Variants in FUT8 observed in about 807,000 individuals in gnomAD.
FUT8 encodes alpha-(1,6)-fucosyltransferase.
Under a neutral mutation model 71.3 loss-of-function variants are expected in FUT8, and 29 were observed. The observed-to-expected ratio is 0.41, with a 90% CI of 0.30 to 0.55. The LOEUF is 0.55. Among genes scored for constraint, FUT8 ranks in the 20% least tolerant of loss-of-function variants. The pLI is 0.34. For missense variants in FUT8, 544 were observed against 702.1 expected, an observed-to-expected ratio of 0.77 and a Z score of 2.55; for synonymous variants, 254 against 239.3, an observed-to-expected ratio of 1.06 and a Z score of -0.57.
intron 6 of FUT8, among the ~76,000 whole-genome samples, chr14:65,642,469 G>A (rs1442717411): frequency 6.6e-6 from 1 of 152,028 alleles, no homozygotes; most frequent in East Asian, 1.9e-4. Flanking sequence ...CAGGCGTGGT[G>A]GCGCACACCT....
chr14:65,380,461 T>C, the FUT8 span, among the ~76,000 whole-genome samples: 1 of 152,118 alleles, frequency 6.6e-6, no homozygotes, highest in Admixed American at 6.5e-5. Context: ...TGGATAGGGA[T>C]AGAATAATGT....
chr14:65,688,520 CAAA>C (rs34293733), intron 7 of FUT8, among the ~76,000 whole-genome samples: 5 of 55,132 alleles, frequency 9.1e-5, no homozygotes, highest in East Asian at 1.2e-3. Flanking sequence ...ATCCACATGC[CAAA>C]AAAAAAAAAA....
intron 1 of FUT8, among the ~76,000 whole-genome samples, chr14:65,429,899 G>A (rs2065445854): frequency 6.9e-6 from 1 of 145,046 alleles, no homozygotes; most frequent in Non-Finnish European, 1.5e-5. Flanking sequence ...ACTTACAAGA[G>A]ACTTTAAAGC....
chr14:65,550,263 C>G lies in FUT8; in HGVS notation c.-227-11074C>G, dbSNP rs561991670. ...GGAGGAGATACCAGGCTCTTTTTAACAAGATCATTGTGTGTTCTGATGAAC... is the reference window on the plus strand; with the variant it reads ...GGAGGAGATACCAGGCTCTTTTTAAGAAGATCATTGTGTGTTCTGATGAAC... On this transcript the variant is annotated intron_variant, in intron 2 of 10. Coordinates refer to ENST00000673929, the MANE Select transcript of FUT8 (RefSeq NM_001371533.1). The surrounding 1 kb of genome is among the most constrained non-coding windows in gnomAD (Gnocchi z 4.5). Among the ~76,000 whole-genome samples the G allele has an allele frequency of 5.3e-5, 8 of 152,162 alleles. No individual in the cohort carries two copies. The highest frequency in any genetic ancestry group is 1.9e-4 in the African/African-American group (8 of 41,534).
At chr14:65,735,340 G>T (rs191271195) in intron 10 of FUT8, among the ~76,000 whole-genome samples, 120 of 152,200 alleles carry the variant, frequency 7.9e-4, no homozygotes, top group African/African-American at 2.8e-3. Flanking sequence ...GGCTTGAGGA[G>T]AATATTGTTC....
chr14:65,618,408 A>G (rs1889421005), intron 5 of FUT8, among the ~76,000 whole-genome samples: 1 of 152,086 alleles, frequency 6.6e-6, no homozygotes, highest in Admixed American at 6.6e-5. Context: ...ATGTTAAATA[A>G]TGGTAGTTCA....
chr14:65,519,853 A>G (rs1594728906), intron 2 of FUT8, among the ~76,000 whole-genome samples: 1 of 152,000 alleles, frequency 6.6e-6, no homozygotes, highest in African/African-American at 2.4e-5. Flanking sequence ...ATCTTGGCTC[A>G]CTCCAGCCTC....
At chr14:65,635,582 T>C (rs1890507564) in intron 6 of FUT8, among the ~76,000 whole-genome samples, 1 of 152,242 alleles carries the variant, frequency 6.6e-6, no homozygotes, top group Non-Finnish European at 1.5e-5. Context: ...TCTGCATCTA[T>C]TGAAATGGTC....
chr14:65,679,209 T>G (rs1892915915), intron 7 of FUT8, among the ~76,000 whole-genome samples: 1 of 152,206 alleles, frequency 6.6e-6, no homozygotes, highest in Non-Finnish European at 1.5e-5. Flanking sequence ...TGCTGCTACA[T>G]CTGGCAAATC....
chr14:65,436,837 A>G (rs2065569470), intron 1 of FUT8, among the ~76,000 whole-genome samples: 1 of 152,062 alleles, frequency 6.6e-6, no homozygotes, highest in African/African-American at 2.4e-5. Context: ...TAGGATTATC[A>G]GTGATTAGGT....
At chr14:65,615,405 C>G (rs1889228154) in intron 3 of FUT8, among the ~76,000 whole-genome samples, 1 of 152,098 alleles carries the variant, frequency 6.6e-6, no homozygotes, top group South Asian at 2.1e-4. Flanking sequence ...CTACACCTGG[C>G]CCAATTTTTT....
At chr14:65,653,309 C>T (rs1225811957) in intron 6 of FUT8, among the ~76,000 whole-genome samples, 3 of 152,094 alleles carry the variant, frequency 2.0e-5, no homozygotes, top group Admixed American at 2.0e-4. Context: ...TTGACCATCT[C>T]GATGTCATTC....
intron 2 of FUT8, among the ~76,000 whole-genome samples, chr14:65,475,757 TC>T (rs558723204): frequency 3.2e-4 from 48 of 151,868 alleles, no homozygotes; most frequent in Admixed American, 5.3e-4. Context: ...CAATCCAGCC[TC>T]CGCAACAGAG....
chr14:65,477,320 A>G (rs992107878), intron 2 of FUT8, among the ~76,000 whole-genome samples: 8 of 152,228 alleles, frequency 5.3e-5, no homozygotes, highest in Non-Finnish European at 8.8e-5. Flanking sequence ...AATTATTACT[A>G]TTGTTAACTA....
chr14:65,532,718 C>G (rs1368668026), intron 2 of FUT8, among the ~76,000 whole-genome samples: 2 of 152,020 alleles, frequency 1.3e-5, no homozygotes, highest in Non-Finnish European at 1.5e-5. Flanking sequence ...TTTCCCAGGT[C>G]CTATGTTCAG....
chr14:65,436,977 A>G (rs2139459827), intron 1 of FUT8, among the ~76,000 whole-genome samples: 1 of 152,386 alleles, frequency 6.6e-6, no homozygotes, highest in African/African-American at 2.4e-5. Context: ...CTAATGGATC[A>G]GACCTGGGAG....
intron 1 of FUT8, among the ~76,000 whole-genome samples, chr14:65,415,772 C>T (rs1433420694): frequency 6.6e-6 from 1 of 151,770 alleles, no homozygotes; most frequent in African/African-American, 2.4e-5. Flanking sequence ...GTCACTTAAC[C>T]CTTATCTCCT....
chr14:65,700,566 A>AT (rs548351707), intron 7 of FUT8, among the ~76,000 whole-genome samples: 25 of 149,646 alleles, frequency 1.7e-4, no homozygotes, highest in African/African-American at 3.4e-4. Context: ...AGTTTTTTGT[A>AT]TTTTTTTTGT....
intron 2 of FUT8, among the ~76,000 whole-genome samples, chr14:65,474,567 C>CT (rs2066205725): frequency 6.6e-6 from 1 of 151,558 alleles, no homozygotes; most frequent in African/African-American, 2.4e-5. Flanking sequence ...CCACTGCACT[C>CT]TAAGAGCAAA....
Sources: allele counts gnomAD v4.1 joint callset (sites outside exome capture counted in the v4.1 genomes callset), GRCh38; gene constraint gnomAD v4.1.1; non-coding constraint Gnocchi (gnomAD v3.1); transcripts MANE v1.5; gene names NCBI Gene and HGNC (gene_info 2026-07-23, HGNC 2026-07-21).